The following KALRN variants were observed in gnomAD, a reference collection of about 807,000 sequenced individuals.
The protein encoded by KALRN is kalirin.
A neutral mutation model predicts 353.7 loss-of-function variants in KALRN; 70 were observed. The observed-to-expected ratio is 0.20, with a 90% confidence interval of 0.16 to 0.24. The LOEUF (loss-of-function observed/expected upper bound fraction) is 0.24, where lower values mean the gene tolerates loss of function less well. Ranked by LOEUF, KALRN falls within the 10% of genes least tolerant of loss-of-function variation. KALRN has a pLI of 1.00. For synonymous variants in KALRN, 1,391 were observed against 1,434.8 expected, an observed-to-expected ratio of 0.97 and a Z score of 0.69; for missense variants, 2,791 against 3,756.7, an observed-to-expected ratio of 0.74 and a Z score of 6.72.
chr3:124,638,341 AAAAAAAAC>A (rs999560595), intron 37 of KALRN, among the ~76,000 whole-genome samples: 5 of 151,994 alleles, frequency 3.3e-5, no homozygotes, highest in African/African-American at 1.2e-4. Flanking sequence ...TAATTAAAAA[AAAAAAAAC>A]AAAAACCTGC....
At chr3:124,304,546 G>T (rs1392968386) in intron 6 of KALRN, among the ~76,000 whole-genome samples, 1 of 152,218 alleles carries the variant, frequency 6.6e-6, no homozygotes. Context: ...GCATGACAGT[G>T]TGAAGAACTC....
intron 34 of KALRN, among the ~76,000 whole-genome samples, chr3:124,582,880 C>T (rs951287557): frequency 2.0e-5 from 3 of 152,122 alleles, no homozygotes; most frequent in Admixed American, 6.5e-5. Context: ...AGTGATCCTT[C>T]CACCTCAGCC....
intron 3 of KALRN, among the ~76,000 whole-genome samples, chr3:124,259,508 C>T (rs908974156): frequency 1.3e-5 from 2 of 152,192 alleles, no homozygotes; most frequent in South Asian, 2.1e-4. Context: ...GGCTTTAAGA[C>T]AACCCTGTAA....
chr3:124,065,601 A>G (rs1256785409), intron 1 of KALRN, among the ~76,000 whole-genome samples: 3 of 143,188 alleles, frequency 2.1e-5, no homozygotes, highest in Non-Finnish European at 4.5e-5. Context: ...TATTCTTTCT[A>G]CTTTTCCATA....
intron 34 of KALRN, among the ~76,000 whole-genome samples, chr3:124,579,438 A>T (rs188894136): frequency 2.6e-5 from 4 of 152,382 alleles, no homozygotes; most frequent in Non-Finnish European, 5.9e-5. Flanking sequence ...GTTGAAAAGT[A>T]AGACTACTTT....
intron 14 of KALRN, among the ~76,000 whole-genome samples, chr3:124,414,060 C>T (rs1301191657): frequency 1.3e-5 from 2 of 151,788 alleles, no homozygotes; most frequent in Non-Finnish European, 2.9e-5. Flanking sequence ...GAGCTGAGAC[C>T]ATGCGACTGC....
At chr3:124,364,684 G>T (rs1163668544) in intron 10 of KALRN, among the ~76,000 whole-genome samples, 1 of 152,136 alleles carries the variant, frequency 6.6e-6, no homozygotes, top group Non-Finnish European at 1.5e-5. Context: ...AGATGGCCTT[G>T]TCATTAGCAT....
intron 1 of KALRN, among the ~76,000 whole-genome samples, chr3:124,145,403 T>A (rs1021420292): frequency 1.3e-5 from 2 of 152,186 alleles, no homozygotes; most frequent in Non-Finnish European, 2.9e-5. Context: ...CATTAAAAAG[T>A]CTCTGGGTCT....
At chr3:124,436,998 T>C (rs1318985928) in intron 17 of KALRN, among the ~76,000 whole-genome samples, 1 of 148,030 alleles carries the variant, frequency 6.8e-6, no homozygotes, top group Non-Finnish European at 1.5e-5. Flanking sequence ...GTGACAGATC[T>C]TCTCATGTGA....
intron 33 of KALRN, among the ~76,000 whole-genome samples, chr3:124,560,317 G>A (rs2109814934): frequency 6.6e-6 from 1 of 152,376 alleles, no homozygotes; most frequent in Non-Finnish European, 1.5e-5. Context: ...TTGGCCTCAA[G>A]AAGCAACCCT....
chr3:124,469,664 C>T (rs2060692661), intron 25 of KALRN, among the ~76,000 whole-genome samples: 1 of 152,220 alleles, frequency 6.6e-6, no homozygotes, highest in East Asian at 1.9e-4. Context: ...CTCCCCACCC[C>T]ATTTCCGACT....
Position 124,455,295 on chromosome 3 carries a change from A to G in KALRN, c.3671A>G (p.Asp1224Gly). The G allele has an allele frequency of 6.2e-7, 1 of 1,614,140 alleles. No individual in the cohort carries two copies. The highest frequency in any genetic ancestry group is 8.5e-7 in the Non-Finnish European group (1 of 1,180,016). Residue 1224 changes from aspartate to glycine, a missense_variant, in exon 22 of 60, where the codon GAT becomes GGT. Transcript: ENST00000682506. ...WVTTVDKHYR[D>G]FSLRMGKYRY... Reference sequence around the variant, plus strand: ...ACCACGGTGGACAAGCACTACAGAGATTTCTCCCTGAGGATGGGAAAGTAC... The same window carrying G: ...ACCACGGTGGACAAGCACTACAGAGGTTTCTCCCTGAGGATGGGAAAGTAC...
In KALRN at chr3:124,726,318, A is replaced by C. The variant is rs748229864; in HGVS notation, c.*6848A>C. ...CATTCCTATAAATATACTATACTAA[A>C]GATACTATATGGTTGTCTCTTTTTT... is the stretch of plus-strand genomic sequence containing the variant. On this transcript the variant is annotated 3_prime_UTR_variant, in exon 60 of 60. Coordinates refer to ENST00000682506, the MANE Select transcript of KALRN (RefSeq NM_001388419.1). 1 of 152,234 alleles carries C rather than the reference A, an allele frequency of 6.6e-6. No individual in the cohort carries two copies. Among genetic ancestry groups the C allele is most frequent in the Non-Finnish European group, 1.5e-5 (1 of 68,044 alleles). 9.4% of individuals were successfully genotyped at this position (152,234 alleles called of 1,614,324 possible). A position where few individuals can be genotyped will look rare whatever the true frequency, so the allele number is the denominator to read the frequency against.
intron 21 of KALRN, among the ~76,000 whole-genome samples, chr3:124,454,797 T>C (rs2059145904): frequency 6.6e-6 from 1 of 152,174 alleles, no homozygotes; most frequent in Non-Finnish European, 1.5e-5. Context: ...TATTAGGTAT[T>C]GTAAGTAATT....
intron 33 of KALRN, among the ~76,000 whole-genome samples, chr3:124,548,058 T>C (rs2069942024): frequency 6.6e-6 from 1 of 152,166 alleles, no homozygotes. Context: ...GCGAGTGTGG[T>C]TGGTATTCCC....
intron 57 of KALRN, among the ~76,000 whole-genome samples, chr3:124,702,508 A>T (rs2062389787): frequency 6.6e-6 from 1 of 152,194 alleles, no homozygotes; most frequent in South Asian, 2.1e-4. Flanking sequence ...AGATTTTTAA[A>T]GGTATGAGTT....
chr3:124,057,246 T>G (rs2041633181), intron 1 of KALRN, among the ~76,000 whole-genome samples: 1 of 152,154 alleles, frequency 6.6e-6, no homozygotes, highest in Non-Finnish European at 1.5e-5. Flanking sequence ...CTTTTGCCAC[T>G]CTGTCTTCAG....
intron 1 of KALRN, among the ~76,000 whole-genome samples, chr3:124,140,323 C>T (rs538210186): frequency 6.6e-6 from 1 of 152,294 alleles, no homozygotes; most frequent in Non-Finnish European, 1.5e-5. Flanking sequence ...TTAAAAGAAA[C>T]ATATTAAGCT....
At chr3:124,406,145 A>C (rs565376778) in intron 13 of KALRN, among the ~76,000 whole-genome samples, 1 of 152,336 alleles carries the variant, frequency 6.6e-6, no homozygotes, top group East Asian at 1.9e-4. Flanking sequence ...ATTATTTCCA[A>C]GTCCCTTTGC....
Sources: gnomAD v4.1 joint callset for allele counts (sites outside exome capture counted in the v4.1 genomes callset) on GRCh38, gnomAD v4.1.1 for gene constraint, MANE v1.5 for transcripts, NCBI Gene and HGNC (gene_info 2026-07-23, HGNC 2026-07-21) for gene names.